COMMD10: variants seen among roughly 807,000 people sequenced by gnomAD.
COMMD10 encodes the protein COMM domain containing 10.
In COMMD10, 33 loss-of-function variants were observed where a neutral mutation model predicts 28.9. The ratio of observed to expected loss-of-function variants is 1.14; its 90% confidence interval spans 0.87 to 1.53. The LOEUF (loss-of-function observed/expected upper bound fraction) is 1.53, where lower values mean the gene tolerates loss of function less well. Among genes scored for constraint, COMMD10 ranks in the 40% most tolerant of loss-of-function variants. COMMD10 has a pLI of 0.00. For missense variants in COMMD10, 310 were observed against 233.4 expected (o/e 1.33, Z -2.14); for synonymous variants, 110 against 81.7 (o/e 1.35, Z -1.87).
At chr5:116,194,143 A>G (rs1440366557) in intron 5 of COMMD10, among the ~76,000 whole-genome samples, 1 of 152,152 alleles carries the variant, frequency 6.6e-6, no homozygotes, top group Non-Finnish European at 1.5e-5. Context: ...ACAACCTACC[A>G]AAACCTCTGG....
intron 5 of COMMD10, among the ~76,000 whole-genome samples, chr5:116,215,921 C>T (rs1749090013): frequency 6.6e-6 from 1 of 150,688 alleles, no homozygotes; most frequent in South Asian, 2.1e-4. Context: ...TACTGAATAC[C>T]TAGAAGGAAA....
intron 4 of COMMD10, among the ~76,000 whole-genome samples, chr5:116,131,318 A>G (rs1425172915): frequency 6.6e-6 from 1 of 151,974 alleles, no homozygotes; most frequent in Non-Finnish European, 1.5e-5. Context: ...TTTACTCATT[A>G]TAAAAAGGAT....
chr5:116,260,180 C>G (rs1330613678), intron 5 of COMMD10, among the ~76,000 whole-genome samples: 1 of 151,634 alleles, frequency 6.6e-6, no homozygotes, highest in Non-Finnish European at 1.5e-5. Flanking sequence ...ATTAAGAGAA[C>G]TAAGAGATGA....
intron 5 of COMMD10, among the ~76,000 whole-genome samples, chr5:116,143,069 G>GTTTTTTTTTTTTT: frequency 7.6e-6 from 1 of 131,016 alleles, no homozygotes; most frequent in Non-Finnish European, 1.6e-5. Context: ...TGTGTTTTTG[G>GTTTTTTTTTTTTT]TTTTTTTTTT....
chr5:116,165,540 T>C (rs1047990675), intron 5 of COMMD10, among the ~76,000 whole-genome samples: 3 of 152,046 alleles, frequency 2.0e-5, no homozygotes, highest in African/African-American at 7.2e-5. Flanking sequence ...AGGGCTGTCT[T>C]TCTAGCTTGT....
intron 4 of COMMD10, among the ~76,000 whole-genome samples, chr5:116,113,567 C>T (rs1318003347): frequency 6.6e-6 from 1 of 151,814 alleles, no homozygotes; most frequent in East Asian, 1.9e-4. Context: ...TTTTCTTCTG[C>T]TTGGCCTAGT....
intron 5 of COMMD10, among the ~76,000 whole-genome samples, chr5:116,153,217 A>C (rs1752595171): frequency 6.6e-6 from 1 of 152,156 alleles, no homozygotes; most frequent in Admixed American, 6.6e-5. Context: ...AATACAAATT[A>C]AAATGGAGTC....
At chr5:116,176,271 C>T (rs1445561847) in intron 5 of COMMD10, among the ~76,000 whole-genome samples, 1 of 152,156 alleles carries the variant, frequency 6.6e-6, no homozygotes, top group East Asian at 1.9e-4. Flanking sequence ...GCCACCACGC[C>T]TAGCTGATTG....
intron 4 of COMMD10, among the ~76,000 whole-genome samples, chr5:116,120,766 A>G (rs185316034): frequency 4.4e-4 from 66 of 150,352 alleles, no homozygotes; most frequent in African/African-American, 1.5e-3. Flanking sequence ...TTTTTTTATT[A>G]CAGAGTAGTA....
chr5:116,240,715 A>T (rs187965388), intron 5 of COMMD10, among the ~76,000 whole-genome samples: 1 of 152,288 alleles, frequency 6.6e-6, no homozygotes, highest in African/African-American at 2.4e-5. Flanking sequence ...GACACATGAA[A>T]CTCCAGTAAA....
At chr5:116,286,921 T>C (rs1160377769) in intron 5 of COMMD10, among the ~76,000 whole-genome samples, 1 of 151,874 alleles carries the variant, frequency 6.6e-6, no homozygotes, top group African/African-American at 2.4e-5. Flanking sequence ...ATTTTCTGAA[T>C]AATTCTGTTC....
chr5:116,219,281 C>G (rs1436257948), intron 5 of COMMD10, among the ~76,000 whole-genome samples: 3 of 152,118 alleles, frequency 2.0e-5, no homozygotes, highest in Non-Finnish European at 2.9e-5. Flanking sequence ...CCGATACATA[C>G]AGTTTTCTCC....
At chr5:116,273,571 T>C (rs1750814337) in intron 5 of COMMD10, among the ~76,000 whole-genome samples, 3 of 151,878 alleles carry the variant, frequency 2.0e-5, no homozygotes, top group Admixed American at 1.3e-4. Flanking sequence ...CTCATTAATA[T>C]TAATGACTAG....
chr5:116,239,470 C>CA (rs1250719326), intron 5 of COMMD10, among the ~76,000 whole-genome samples: 1 of 152,064 alleles, frequency 6.6e-6, no homozygotes, highest in Non-Finnish European at 1.5e-5. Context: ...AAAAGCAGCT[C>CA]ACATGGGCCT....
At chr5:116,121,602 T>C (rs1751437827) in intron 4 of COMMD10, among the ~76,000 whole-genome samples, 1 of 152,192 alleles carries the variant, frequency 6.6e-6, no homozygotes, top group Non-Finnish European at 1.5e-5. Context: ...CCACCAACAG[T>C]GTAAAAGCAT....
chr5:116,151,511 A>G (rs900155487), intron 5 of COMMD10, among the ~76,000 whole-genome samples: 1 of 152,102 alleles, frequency 6.6e-6, no homozygotes, highest in East Asian at 1.9e-4. Context: ...TTGGTAAGCT[A>G]TTGATTATTG....
intron 5 of COMMD10, among the ~76,000 whole-genome samples, chr5:116,187,472 T>C (rs1277458289): frequency 2.6e-5 from 4 of 152,206 alleles, no homozygotes; most frequent in African/African-American, 7.2e-5. Context: ...TCTGAAGATA[T>C]TTTAGTGTAA....
At chr5:116,085,409 T>G in intron 1 of COMMD10, 1 of 391,456 alleles carries the variant, frequency 2.6e-6, no homozygotes, top group Non-Finnish European at 4.6e-6. Flanking sequence ...AGTTCCCGGG[T>G]GCTGCCTTCA....
At chr5:116,146,345 C>T (rs10059719) in intron 5 of COMMD10, among the ~76,000 whole-genome samples, 46,328 of 151,602 alleles carry the variant, frequency 0.31, 9,576 homozygotes, top group African/African-American at 0.59. Flanking sequence ...CCCATTACCC[C>T]AGTGATACTA....
Sources: gnomAD v4.1 joint callset for allele counts (sites outside exome capture counted in the v4.1 genomes callset) on GRCh38, gnomAD v4.1.1 for gene constraint, MANE v1.5 for transcripts, NCBI Gene and HGNC (gene_info 2026-07-23, HGNC 2026-07-21) for gene names.